NRDC: variants seen among roughly 807,000 people sequenced by gnomAD.
NRDC encodes the protein nardilysin.
A neutral mutation model predicts 147.1 loss-of-function variants in NRDC; 54 were observed. That is an observed-to-expected ratio of 0.37 (90% CI 0.29 to 0.46). The LOEUF is 0.46. Among genes scored for constraint, NRDC ranks in the 20% least tolerant of loss-of-function variants. The probability of loss-of-function intolerance (pLI) is 1.00; values close to 1 mark genes in which losing one functional copy is unlikely to be tolerated. For synonymous variants in NRDC, 440 were observed against 482.1 expected, an observed-to-expected ratio of 0.91 and a Z score of 1.14; for missense variants, 1,082 against 1,370.6, an observed-to-expected ratio of 0.79 and a Z score of 3.33.
chr1:51,793,654 G>T (rs1476238651), intron 24 of NRDC, among the ~76,000 whole-genome samples: 1 of 152,156 alleles, frequency 6.6e-6, no homozygotes, highest in Non-Finnish European at 1.5e-5. Context: ...ACAAGACAAA[G>T]AAATGATAAT....
Position 51,809,296 on chromosome 1 carries a change from A to C in NRDC, c.1990+19T>G. The C allele has an allele frequency of 6.4e-7, 1 of 1,561,082 alleles. No individual in the cohort carries two copies. The highest frequency in any genetic ancestry group is 8.8e-7 in the Non-Finnish European group (1 of 1,131,834). ...TAGCACATGGATGGATTATGTATAA[A>C]AATTGCTATTTTACTGACCTATGTA... On this transcript the variant is annotated intron_variant, in intron 17 of 30. Transcript: ENST00000352171.
chr1:51,862,611 C>T (rs1049320794), intron 1 of NRDC, among the ~76,000 whole-genome samples: 2 of 151,394 alleles, frequency 1.3e-5, no homozygotes, highest in Non-Finnish European at 2.9e-5. Flanking sequence ...GTGGTGCCAG[C>T]TACTCAGGAG....
Position 51,789,445 on chromosome 1 carries a change from C to T in NRDC, c.3259-12G>A. ...CCATATCCAACAACCTGAAAGAGGA[C>T]AAAGACAAAAGTGAAAAATATGCTG... On this transcript the variant is annotated splice_polypyrimidine_tract_variant and intron_variant, in intron 30 of 30. Transcript: ENST00000352171. The T allele has an allele frequency of 6.2e-7, 1 of 1,613,594 alleles. No homozygotes were observed. Among genetic ancestry groups the T allele is most frequent in the Non-Finnish European group, 8.5e-7 (1 of 1,179,626 alleles).
intron 7 of NRDC, 142 bp from the exon 8 acceptor site, chr1:51,821,697 G>A (rs903581627): frequency 9.9e-6 from 6 of 606,664 alleles, no homozygotes; most frequent in Non-Finnish European, 1.8e-5. Context: ...TCCTGAACCA[G>A]TAATGGATGA....
intron 27 of NRDC, 106 bp downstream of exon 27, chr1:51,791,472 A>G (rs1342012280): frequency 1.1e-6 from 1 of 869,982 alleles, no homozygotes; most frequent in Non-Finnish European, 1.9e-6. Context: ...GACTAAATAG[A>G]GCAAACCTGC....
At chr1:51,846,094 CA>C (rs1408874427) in intron 1 of NRDC, among the ~76,000 whole-genome samples, 2 of 151,582 alleles carry the variant, frequency 1.3e-5, no homozygotes, top group African/African-American at 4.9e-5. Flanking sequence ...ACTAGAGATA[CA>C]AAGATATTTT....
chr1:51,858,813 A>G (rs1192088526), intron 1 of NRDC, among the ~76,000 whole-genome samples: 3 of 152,208 alleles, frequency 2.0e-5, no homozygotes, highest in South Asian at 4.1e-4. Flanking sequence ...TTAACTGGCT[A>G]TCCTGAAACT....
intron 20 of NRDC, among the ~76,000 whole-genome samples, chr1:51,802,776 AC>A (rs756595033): frequency 6.6e-6 from 1 of 152,162 alleles, no homozygotes; most frequent in Non-Finnish European, 1.5e-5. Flanking sequence ...GGCTATTAAC[AC>A]CTAGCACAGG....
At chr1:51,867,629 G>C (rs1381596147) in intron 1 of NRDC, among the ~76,000 whole-genome samples, 2 of 152,112 alleles carry the variant, frequency 1.3e-5, no homozygotes, top group Admixed American at 1.3e-4. Flanking sequence ...AAAGTCAACT[G>C]ATCAAAGCAT....
chr1:51,840,579 CAGCTT>C (rs758118327), intron 1 of NRDC, 65 bp from the exon 2 acceptor site: 2 of 1,059,618 alleles, frequency 1.9e-6, no homozygotes, highest in Non-Finnish European at 2.7e-6. Flanking sequence ...TACAAGTAAT[CAGCTT>C]AGCAGAATTT....
chr1:51,866,450 T>C (rs1353362722), intron 1 of NRDC, among the ~76,000 whole-genome samples: 1 of 151,994 alleles, frequency 6.6e-6, no homozygotes, highest in Non-Finnish European at 1.5e-5. Flanking sequence ...TTCTCAAACG[T>C]GTGCACAAGG....
intron 20 of NRDC, among the ~76,000 whole-genome samples, chr1:51,801,903 T>A (rs1048546797): frequency 6.6e-6 from 1 of 152,108 alleles, no homozygotes; most frequent in African/African-American, 2.4e-5. Flanking sequence ...TTCTCCTGCC[T>A]CAGCCTCCCG....
intron 21 of NRDC, chr1:51,798,991 A>T (rs935490597): frequency 6.6e-5 from 10 of 152,246 alleles, no homozygotes; most frequent in Admixed American, 6.5e-4. Flanking sequence ...AATTGAATTA[A>T]TGAATTTATA....
At chr1:51,871,318 G>A (rs1683074114) in intron 1 of NRDC, among the ~76,000 whole-genome samples, 1 of 151,512 alleles carries the variant, frequency 6.6e-6, no homozygotes, top group African/African-American at 2.4e-5. Flanking sequence ...CTCCATCTCA[G>A]TCAATCAATT....
At chr1:51,819,075 G>C (rs1310591334) in intron 9 of NRDC, among the ~76,000 whole-genome samples, 1 of 152,216 alleles carries the variant, frequency 6.6e-6, no homozygotes, top group African/African-American at 2.4e-5. Flanking sequence ...GCGAAGGCAG[G>C]CGGATCACTT....
intron 6 of NRDC, 60 bp from the exon 7 acceptor site, chr1:51,823,846 A>G (rs1571870438): frequency 8.0e-7 from 1 of 1,249,434 alleles, no homozygotes; most frequent in East Asian, 2.4e-5. Context: ...AAAGTCTTCT[A>G]CATCATCAAT....
chr1:51,843,104 TG>T (rs1343990275), intron 1 of NRDC, among the ~76,000 whole-genome samples: 1 of 98,548 alleles, frequency 1.0e-5, no homozygotes, highest in Non-Finnish European at 2.1e-5. Context: ...CTTGTTGGGG[TG>T]GGAGGGCAGG....
chr1:51,846,366 G>A (rs752136100), intron 1 of NRDC, among the ~76,000 whole-genome samples: 26 of 152,084 alleles, frequency 1.7e-4, no homozygotes, highest in Non-Finnish European at 2.9e-4. Context: ...CACCCGCCTC[G>A]GTCTCCCAAA....
At chr1:51,863,971 G>A (rs1682678759) in intron 1 of NRDC, among the ~76,000 whole-genome samples, 1 of 152,142 alleles carries the variant, frequency 6.6e-6, no homozygotes, top group South Asian at 2.1e-4. Context: ...CCTCAAACAT[G>A]CTCAGAATGC....
Sources: gnomAD v4.1 joint callset for allele counts (sites outside exome capture counted in the v4.1 genomes callset) on GRCh38, gnomAD v4.1.1 for gene constraint, MANE v1.5 for transcripts, NCBI Gene and HGNC (gene_info 2026-07-23, HGNC 2026-07-21) for gene names.